The following MLPH variants were observed in gnomAD, a reference collection of about 807,000 sequenced individuals.
MLPH encodes melanophilin.
A neutral mutation model predicts 72.1 loss-of-function variants in MLPH; 51 were observed. The observed-to-expected ratio is 0.71, with a 90% confidence interval of 0.56 to 0.89. MLPH has a LOEUF of 0.89. Among genes scored for constraint, MLPH ranks in the 40% least tolerant of loss-of-function variants. The pLI is 0.00. For missense variants in MLPH, 743 were observed against 759.9 expected (o/e 0.98, Z 0.26); for synonymous variants, 301 against 310.1 (o/e 0.97, Z 0.31).
chr2:237,518,595 GA>G lies in MLPH; in HGVS notation c.503del (p.Asp168ValfsTer156). On this transcript the variant is annotated frameshift_variant, in exon 5 of 16. Transcript: ENST00000264605. LOFTEE classifies it high-confidence loss of function. ...RSGDSDQTDE[D>X]GEPGSEAQAQ... Reference sequence around the variant, plus strand: ...TGGAGACAGCGACCAGACAGATGAGGATGGAGAACCTGGCTCAGAGGCCCAG... The same window carrying G: ...TGGAGACAGCGACCAGACAGATGAGGTGGAGAACCTGGCTCAGAGGCCCAG... 1 of 1,613,876 alleles carries G rather than the reference GA, an allele frequency of 6.2e-7. No individual in the cohort carries two copies. The highest frequency in any genetic ancestry group is 8.5e-7 in the Non-Finnish European group (1 of 1,179,924).
At chr2:237,538,132 G>A (rs999933213) in intron 9 of MLPH, among the ~76,000 whole-genome samples, 4 of 152,256 alleles carry the variant, frequency 2.6e-5, no homozygotes, top group African/African-American at 7.2e-5. Context: ...GGAGGTGGCC[G>A]TGAACAAAGT....
In MLPH at chr2:237,524,248, G is replaced by T. The variant is rs142212099; in HGVS notation, c.676-1353G>T. 4.7e-3 allele frequency among the ~76,000 whole-genome samples: 696 copies of T among 149,268 alleles called. 9 individuals carry two copies. The highest frequency in any genetic ancestry group is 0.017 in the African/African-American group (668 of 39,166). On this transcript the variant is annotated intron_variant, in intron 6 of 15. Coordinates refer to ENST00000264605, the MANE Select transcript of MLPH (RefSeq NM_024101.7). ...TCAAGTTGATTATTTCCGCCCTACA[G>T]GATCATTTCAAGGATGCTGTATTAG...
intron 12 of MLPH, among the ~76,000 whole-genome samples, chr2:237,542,870 T>G (rs1190430600): frequency 5.6e-5 from 1 of 17,906 alleles, no homozygotes; most frequent in Non-Finnish European, 7.7e-5. Context: ...CAGTGGTGAG[T>G]GGGGGACAGT....
intron 6 of MLPH, among the ~76,000 whole-genome samples, chr2:237,522,871 G>A (rs977119356): frequency 5.3e-5 from 8 of 152,202 alleles, no homozygotes; most frequent in Non-Finnish European, 8.8e-5. Context: ...CAATATCACC[G>A]ATGCGGTTGT....
chr2:237,545,218 G>GGA (rs1553602706), intron 12 of MLPH, among the ~76,000 whole-genome samples: 32 of 145,138 alleles, frequency 2.2e-4, no homozygotes, highest in African/African-American at 8.4e-4. Flanking sequence ...GTGGTGAGTG[G>GGA]GGACAGTGGT....
In MLPH at chr2:237,534,664, G is replaced by T; in HGVS notation, c.1104+17G>T. On this transcript the variant is annotated intron_variant, in intron 9 of 15. Transcript: ENST00000264605. ...TTGGCCAAGGTAACACTGGGGGCTG[G>T]GCAAAGAGAAAGGGCCCCCACAGCT... The T allele has an allele frequency of 6.2e-7, 1 of 1,608,274 alleles. No homozygotes were observed. The highest frequency in any genetic ancestry group is 8.5e-7 in the Non-Finnish European group (1 of 1,174,896).
intron 10 of MLPH, 101 bp downstream of exon 10, chr2:237,540,634 A>C: frequency 1.3e-6 from 2 of 1,503,014 alleles, no homozygotes; most frequent in African/African-American, 1.4e-5. Flanking sequence ...GGCAGCACCC[A>C]CAGGAGCACA....
rs577889873 is a variant in MLPH, at chr2:237,549,080, A to T, written c.1618-141A>T. On this transcript the variant is annotated intron_variant, in intron 13 of 15. Transcript: ENST00000264605. ...GAAAATGTCCATTCTCATATTGCTA[A>T]AAGTTCAAATATTGCTAGAGAGCAG... 12 of 735,486 alleles carry T rather than the reference A, an allele frequency of 1.6e-5. No homozygotes were observed. In the Middle Eastern group the frequency reaches 1.4e-3, roughly 86 times the overall value. The allele number at this position is 735,486 out of a possible 1,614,324, so 45.6% of individuals were successfully genotyped here.
chr2:237,518,496 G>A, intron 4 of MLPH, 43 bp from the exon 5 acceptor site: 1 of 1,522,820 alleles, frequency 6.6e-7, no homozygotes, highest in Non-Finnish European at 9.0e-7. Flanking sequence ...CTTGTTCCCA[G>A]ACTGTTTGTC....
intron 2 of MLPH, among the ~76,000 whole-genome samples, chr2:237,493,882 A>T (rs1237527863): frequency 2.6e-5 from 4 of 152,176 alleles, no homozygotes; most frequent in African/African-American, 9.7e-5. Context: ...AAACACCTAG[A>T]TGTTGGAATC....
intron 9 of MLPH, among the ~76,000 whole-genome samples, chr2:237,538,072 C>T (rs912175190): frequency 1.5e-4 from 23 of 152,184 alleles, no homozygotes; most frequent in Admixed American, 9.2e-4. Flanking sequence ...TGGGAAGAGT[C>T]GGGAGACACA....
Position 237,510,523 on chromosome 2 carries a change from T to C in MLPH, c.111-51T>C. ...TGTACGTGTACACACTTAAAGCCTG[T>C]TGCAAAAACAAGATGCCCAATATAT... On this transcript the variant is annotated intron_variant, in intron 2 of 15. Coordinates refer to ENST00000264605, the MANE Select transcript of MLPH (RefSeq NM_024101.7). This position sits in a 1 kb window ranked among gnomAD's most constrained non-coding sequence, Gnocchi z 4.4. 6.4e-7 allele frequency: 1 copy of C among 1,561,180 alleles called. No homozygotes were observed. The highest frequency in any genetic ancestry group is 1.7e-4 in the Middle Eastern group (1 of 5,958).
At chr2:237,504,540 A>G (rs2079722903) in intron 2 of MLPH, among the ~76,000 whole-genome samples, 1 of 152,222 alleles carries the variant, frequency 6.6e-6, no homozygotes, top group African/African-American at 2.4e-5. Flanking sequence ...GTTTTAAGCC[A>G]TGGAGTTGGT....
At chr2:237,501,053 C>T (rs2079636932) in intron 2 of MLPH, among the ~76,000 whole-genome samples, 1 of 152,098 alleles carries the variant, frequency 6.6e-6, no homozygotes, top group Non-Finnish European at 1.5e-5. Flanking sequence ...GAAATTCGCC[C>T]TCCTCACCCC....
intron 13 of MLPH, among the ~76,000 whole-genome samples, chr2:237,548,206 C>T (rs1395187022): frequency 1.3e-5 from 2 of 152,230 alleles, no homozygotes; most frequent in Non-Finnish European, 2.9e-5. Flanking sequence ...GACACCCACA[C>T]TCTTCTCTGG....
chr2:237,518,429 G>A (rs2080099990), intron 4 of MLPH, 110 bp from the exon 5 acceptor site: 1 of 847,696 alleles, frequency 1.2e-6, no homozygotes, highest in Non-Finnish European at 2.0e-6. Flanking sequence ...AGGAGGGAGG[G>A]ATGGGCAGGT....
chr2:237,488,915 T>C (rs1175371946), intron 1 of MLPH, among the ~76,000 whole-genome samples: 1 of 152,166 alleles, frequency 6.6e-6, no homozygotes, highest in African/African-American at 2.4e-5. Flanking sequence ...CTTGTTCTTT[T>C]CAGAAGCAAC....
At chr2:237,534,450 T>C in intron 8 of MLPH, 114 bp from the exon 9 acceptor site, 3 of 858,324 alleles carry the variant, frequency 3.5e-6, no homozygotes, top group Non-Finnish European at 6.0e-6. Flanking sequence ...GTGGTGGCCT[T>C]AGCTCTCCTT....
At chr2:237,514,378 C>T (rs1306439342) in intron 4 of MLPH, among the ~76,000 whole-genome samples, 1 of 152,112 alleles carries the variant, frequency 6.6e-6, no homozygotes, top group Non-Finnish European at 1.5e-5. Flanking sequence ...GGATTACAAG[C>T]ATAAACCGTG....
Sources: allele counts gnomAD v4.1 joint callset (sites outside exome capture counted in the v4.1 genomes callset), GRCh38; gene constraint gnomAD v4.1.1; non-coding constraint Gnocchi (gnomAD v3.1); transcripts MANE v1.5; gene names NCBI Gene and HGNC (gene_info 2026-07-23, HGNC 2026-07-21).